Variants in BABAM2 observed in about 807,000 individuals in gnomAD.
BABAM2 encodes the protein BRISC and BRCA1 A complex member 2.
In BABAM2, 31 loss-of-function variants were observed where a neutral mutation model predicts 54.7. The ratio of observed to expected loss-of-function variants is 0.57; its 90% confidence interval spans 0.43 to 0.77. BABAM2 has a LOEUF of 0.77. BABAM2 is among the 30% of genes least tolerant of loss of function. BABAM2 has a pLI of 0.00. For synonymous variants in BABAM2, 167 were observed against 162.9 expected (o/e 1.03, Z -0.19); for missense variants, 364 against 455.8 (o/e 0.80, Z 1.83).
At chr2:28,078,502 A>G (rs1485103356) in intron 6 of BABAM2, among the ~76,000 whole-genome samples, 1 of 152,148 alleles carries the variant, frequency 6.6e-6, no homozygotes. Context: ...TCATCTATCC[A>G]TGAAATTATG....
At chr2:28,120,260 G>A (rs1438129376) in intron 6 of BABAM2, among the ~76,000 whole-genome samples, 1 of 152,170 alleles carries the variant, frequency 6.6e-6, no homozygotes, top group Non-Finnish European at 1.5e-5. Context: ...TGGATAATAA[G>A]GGAAGAAGAA....
chr2:28,281,239 A>C (rs2148193831), intron 10 of BABAM2, among the ~76,000 whole-genome samples: 1 of 152,266 alleles, frequency 6.6e-6, no homozygotes, highest in South Asian at 2.1e-4. Context: ...GTCCCTATGG[A>C]GGAGGACAAG....
At chr2:28,054,079 T>C (rs911800879) in intron 6 of BABAM2, among the ~76,000 whole-genome samples, 4 of 152,120 alleles carry the variant, frequency 2.6e-5, no homozygotes, top group African/African-American at 9.7e-5. Flanking sequence ...TTTTTTTAAA[T>C]CCAGCCCAGG....
intron 3 of BABAM2, among the ~76,000 whole-genome samples, chr2:27,980,735 TAAAA>T (rs5830059): frequency 1.3e-5 from 2 of 148,896 alleles, no homozygotes; most frequent in Non-Finnish European, 3.0e-5. Context: ...ATCTTTTCCT[TAAAA>T]AAAAAAAACT....
intron 6 of BABAM2, among the ~76,000 whole-genome samples, chr2:28,087,210 T>C (rs1425811049): frequency 2.0e-5 from 3 of 152,098 alleles, no homozygotes; most frequent in East Asian, 1.9e-4. Context: ...TAAGAACATA[T>C]AAGGCTTGGC....
intron 2 of BABAM2, among the ~76,000 whole-genome samples, chr2:27,898,539 T>C (rs1665521217): frequency 6.6e-6 from 1 of 152,184 alleles, no homozygotes. Context: ...CAAAAACAAC[T>C]CAAATGTCCA....
intron 8 of BABAM2, among the ~76,000 whole-genome samples, chr2:28,240,892 AAAC>A (rs1234754536): frequency 6.6e-6 from 1 of 151,812 alleles, no homozygotes; most frequent in African/African-American, 2.4e-5. Flanking sequence ...AAAACAAAAA[AAAC>A]CCATTTATTT....
Position 28,327,133 on chromosome 2 carries a change from T to C in BABAM2, c.1089-11317T>C. 3.5e-6 allele frequency: 3 copies of C among 853,240 alleles called. No individual in the cohort carries two copies. In the South Asian group the frequency reaches 6.2e-5, roughly 18 times the overall value. The allele number at this position is 853,240 out of a possible 1,614,324, so 52.9% of individuals were successfully genotyped here. ...TGGTTGGTATGTGTAGATGCGTGCATACATCTGTGATGAACGCCAGAGAAA... is the reference window on the plus strand; with the variant it reads ...TGGTTGGTATGTGTAGATGCGTGCACACATCTGTGATGAACGCCAGAGAAA... On this transcript the variant is annotated intron_variant, in intron 11 of 11. Transcript: ENST00000379624.
At chr2:28,014,102 G>A (rs1573391946) in intron 4 of BABAM2, among the ~76,000 whole-genome samples, 2 of 152,108 alleles carry the variant, frequency 1.3e-5, no homozygotes, top group East Asian at 3.9e-4. Flanking sequence ...TTCCTCCATG[G>A]CCATGTTATG....
At chr2:28,142,246 A>G (rs1052922633) in intron 7 of BABAM2, among the ~76,000 whole-genome samples, 8 of 152,136 alleles carry the variant, frequency 5.3e-5, no homozygotes, top group South Asian at 2.1e-4. Flanking sequence ...TAGCAACACT[A>G]ATGACTTAAT....
At chr2:27,966,109 A>C (rs936273562) in intron 3 of BABAM2, among the ~76,000 whole-genome samples, 4 of 152,184 alleles carry the variant, frequency 2.6e-5, no homozygotes, top group African/African-American at 9.7e-5. Flanking sequence ...ACTATCTCAC[A>C]GGTAACATAT....
At chr2:28,178,284 G>T (rs540900570) in intron 7 of BABAM2, among the ~76,000 whole-genome samples, 34 of 152,154 alleles carry the variant, frequency 2.2e-4, no homozygotes, top group South Asian at 1.2e-3. Context: ...TCTAAAAATT[G>T]AAATTATACC....
At chr2:28,256,946 C>T (rs754250151) in intron 10 of BABAM2, among the ~76,000 whole-genome samples, 2 of 152,044 alleles carry the variant, frequency 1.3e-5, no homozygotes, top group Admixed American at 6.6e-5. Context: ...CCACCCACCT[C>T]GGCCTCCCAA....
chr2:28,096,401 G>A (rs533294862), intron 6 of BABAM2, among the ~76,000 whole-genome samples: 1 of 151,392 alleles, frequency 6.6e-6, no homozygotes, highest in South Asian at 2.1e-4. Flanking sequence ...ACCATATTAA[G>A]CTATGGTGGA....
At chr2:28,311,260 CAAAAAAA>C (rs11309935) in intron 11 of BABAM2, among the ~76,000 whole-genome samples, 1 of 110,502 alleles carries the variant, frequency 9.0e-6, no homozygotes, top group Non-Finnish European at 1.9e-5. Context: ...GACCCTGTCT[CAAAAAAA>C]AAAAAAAAAA....
chr2:28,102,375 A>T (rs897218243), intron 6 of BABAM2, among the ~76,000 whole-genome samples: 1 of 152,190 alleles, frequency 6.6e-6, no homozygotes, highest in African/African-American at 2.4e-5. Flanking sequence ...TCTAAAACAT[A>T]CTTATTCTCA....
chr2:27,988,515 C>T (rs554169856), intron 4 of BABAM2, among the ~76,000 whole-genome samples: 2 of 152,158 alleles, frequency 1.3e-5, no homozygotes, highest in East Asian at 3.9e-4. Context: ...CAAATTTGGA[C>T]TTGTATCCGC....
At chr2:28,196,834 G>GTTTTTTT (rs1316220461) in intron 7 of BABAM2, among the ~76,000 whole-genome samples, 9 of 26,390 alleles carry the variant, frequency 3.4e-4, no homozygotes, top group Non-Finnish European at 7.1e-4. Context: ...GTGAGACCCT[G>GTTTTTTT]TCTTTTTTTT....
At chr2:28,177,794 A>G (rs1464403246) in intron 7 of BABAM2, among the ~76,000 whole-genome samples, 1 of 152,130 alleles carries the variant, frequency 6.6e-6, no homozygotes, top group African/African-American at 2.4e-5. Context: ...AAAGGGATGG[A>G]AAAAGATATT....
Sources: gnomAD v4.1 joint callset for allele counts (sites outside exome capture counted in the v4.1 genomes callset) on GRCh38, gnomAD v4.1.1 for gene constraint, MANE v1.5 for transcripts, NCBI Gene and HGNC (gene_info 2026-07-23, HGNC 2026-07-21) for gene names.